PPFIA2: variants seen among roughly 807,000 people sequenced by gnomAD.
PPFIA2 encodes liprin-alpha-2.
PPFIA2 carries 46 observed loss-of-function variants against 175.5 expected under a neutral mutation model. That is an observed-to-expected ratio of 0.26 (90% confidence interval 0.21 to 0.34). PPFIA2 has a LOEUF of 0.34. Among genes scored for constraint, PPFIA2 ranks in the 10% least tolerant of loss-of-function variants. The pLI, the probability that PPFIA2 is intolerant of heterozygous loss-of-function variation, is 1.00. For synonymous variants in PPFIA2, 568 were observed against 511.4 expected (o/e 1.11, Z -1.49); for missense variants, 1,179 against 1,506.1 (o/e 0.78, Z 3.60).
chr12:81,725,649 A>T (rs2079972608), intron 3 of PPFIA2, among the ~76,000 whole-genome samples: 1 of 150,970 alleles, frequency 6.6e-6, no homozygotes, highest in Non-Finnish European at 1.5e-5. Flanking sequence ...AAGTATTTTA[A>T]AATGATAAAA....
chr12:81,493,542 G>A (rs1156597966), intron 4 of PPFIA2, among the ~76,000 whole-genome samples: 1 of 151,858 alleles, frequency 6.6e-6, no homozygotes, highest in African/African-American at 2.4e-5. Context: ...TGGCAACACA[G>A]AAATCACTGA....
chr12:81,369,238 T>C (rs1327252315), intron 11 of PPFIA2, 44 bp from the exon 12 acceptor site: 1 of 1,586,998 alleles, frequency 6.3e-7, no homozygotes, highest in African/African-American at 1.3e-5. Context: ...TAAGATTTGG[T>C]TAACACTTTT....
intron 24 of PPFIA2, among the ~76,000 whole-genome samples, chr12:81,286,152 G>T (rs2043308369): frequency 6.6e-6 from 1 of 152,008 alleles, no homozygotes; most frequent in Middle Eastern, 3.4e-3. Flanking sequence ...TATTAATTTT[G>T]TTCAGCTGTA....
intron 4 of PPFIA2, among the ~76,000 whole-genome samples, chr12:81,616,044 T>C (rs1266046364): frequency 6.6e-6 from 1 of 152,112 alleles, no homozygotes; most frequent in African/African-American, 2.4e-5. Flanking sequence ...CTGGTAATTG[T>C]GGTGATGGGA....
intron 3 of PPFIA2, among the ~76,000 whole-genome samples, chr12:81,724,679 A>G (rs2079811232): frequency 6.6e-6 from 1 of 151,092 alleles, no homozygotes; most frequent in African/African-American, 2.4e-5. Flanking sequence ...ATGACTAAGC[A>G]GTATCCCATG....
intron 4 of PPFIA2, among the ~76,000 whole-genome samples, chr12:81,469,110 C>T (rs1474986232): frequency 6.6e-6 from 1 of 152,166 alleles, no homozygotes; most frequent in Non-Finnish European, 1.5e-5. Context: ...GTAACATGCT[C>T]TAATTCCATA....
chr12:81,299,174 T>C (rs2047211493), intron 23 of PPFIA2, 127 bp downstream of exon 23: 1 of 1,234,152 alleles, frequency 8.1e-7, no homozygotes, highest in Non-Finnish European at 1.1e-6. Context: ...AGTAAGCAAA[T>C]AGTCCCTTAT....
At chr12:81,718,821 T>C (rs766567901) in intron 3 of PPFIA2, among the ~76,000 whole-genome samples, 59 of 151,648 alleles carry the variant, frequency 3.9e-4, no homozygotes, top group Admixed American at 7.3e-4. Context: ...AGCTGGCTGA[T>C]GCACAGAGGA....
At chr12:81,525,002 T>C (rs2063574620) in intron 4 of PPFIA2, among the ~76,000 whole-genome samples, 2 of 152,160 alleles carry the variant, frequency 1.3e-5, no homozygotes, top group Admixed American at 1.3e-4. Flanking sequence ...GAGTCCTTAC[T>C]AGACACTGAA....
At chr12:81,439,888 G>A (rs759019059) in intron 7 of PPFIA2, 84 bp downstream of exon 7, 1 of 1,106,664 alleles carries the variant, frequency 9.0e-7, no homozygotes, top group Non-Finnish European at 1.3e-6. Context: ...TTTTGTGACA[G>A]TTATAATAAA....
At chr12:81,614,064 T>C (rs2061199498) in intron 4 of PPFIA2, among the ~76,000 whole-genome samples, 1 of 152,134 alleles carries the variant, frequency 6.6e-6, no homozygotes, top group Non-Finnish European at 1.5e-5. Flanking sequence ...TTCTATGAAT[T>C]CGTACTGTCT....
intron 4 of PPFIA2, among the ~76,000 whole-genome samples, chr12:81,516,949 C>G (rs1471770412): frequency 2.0e-5 from 3 of 152,106 alleles, no homozygotes; most frequent in East Asian, 3.9e-4. Flanking sequence ...GGAAACTAGG[C>G]AATTCATGAA....
chr12:81,547,101 C>T (rs2067125402), intron 4 of PPFIA2, among the ~76,000 whole-genome samples: 1 of 152,032 alleles, frequency 6.6e-6, no homozygotes, highest in Admixed American at 6.6e-5. Flanking sequence ...AAATTATTTG[C>T]CCGTGACAAA....
chr12:81,690,137 T>A (rs536481283), intron 3 of PPFIA2, among the ~76,000 whole-genome samples: 48 of 152,184 alleles, frequency 3.2e-4, no homozygotes, highest in Non-Finnish European at 6.5e-4. Flanking sequence ...CTTCATCCCT[T>A]TGCCTCCAGC....
At chr12:81,412,692 C>A (rs1000528036) in intron 7 of PPFIA2, among the ~76,000 whole-genome samples, 2 of 151,904 alleles carry the variant, frequency 1.3e-5, no homozygotes, top group Admixed American at 6.6e-5. Context: ...CGATCTTGTA[C>A]AAGCTATTTA....
At chr12:81,333,218 T>C (rs2056476269) in intron 21 of PPFIA2, among the ~76,000 whole-genome samples, 2 of 152,206 alleles carry the variant, frequency 1.3e-5, no homozygotes, top group African/African-American at 2.4e-5. Context: ...CACCCCACTG[T>C]TCTTTCTTAC....
At chr12:81,275,728 A>G (rs1232215832) in intron 28 of PPFIA2, among the ~76,000 whole-genome samples, 1 of 151,872 alleles carries the variant, frequency 6.6e-6, no homozygotes, top group Non-Finnish European at 1.5e-5. Flanking sequence ...GTATTTTAAT[A>G]TCCAAAATTT....
intron 4 of PPFIA2, among the ~76,000 whole-genome samples, chr12:81,665,739 G>A (rs2153556539): frequency 6.6e-6 from 1 of 152,016 alleles, no homozygotes; most frequent in East Asian, 1.9e-4. Context: ...AAAAGCAATG[G>A]CAACAAAAGC....
At chr12:81,567,975 G>T (rs1194715669) in intron 4 of PPFIA2, among the ~76,000 whole-genome samples, 8 of 152,182 alleles carry the variant, frequency 5.3e-5, no homozygotes, top group Admixed American at 4.6e-4. Flanking sequence ...GGATGCCTGT[G>T]TCCTTAACCT....
Sources: gnomAD v4.1 joint callset for allele counts (sites outside exome capture counted in the v4.1 genomes callset) on GRCh38, gnomAD v4.1.1 for gene constraint, MANE v1.5 for transcripts, NCBI Gene and HGNC (gene_info 2026-07-23, HGNC 2026-07-21) for gene names.